MINAR1: variants seen among roughly 807,000 people sequenced by gnomAD.
MINAR1 encodes the protein major intrinsically disordered Notch2-binding receptor 1.
MINAR1 carries 40 observed loss-of-function variants against 65.1 expected under a neutral mutation model. The observed-to-expected ratio is 0.61, with a 90% confidence interval of 0.48 to 0.80. MINAR1 has a LOEUF of 0.80. Among genes scored for constraint, MINAR1 ranks in the 30% least tolerant of loss-of-function variants. The probability of loss-of-function intolerance (pLI) is 0.00; values close to 1 mark genes in which losing one functional copy is unlikely to be tolerated. For missense variants in MINAR1, 1,128 were observed against 1,148.0 expected (o/e 0.98, Z 0.25); for synonymous variants, 482 against 449.1 (o/e 1.07, Z -0.93).
rs780197349 is a variant in MINAR1, at chr15:79,456,361, A to G, written c.214A>G (p.Thr72Ala). 1.2e-6 allele frequency: 2 copies of G among 1,614,236 alleles called. No individual in the cohort carries two copies. The highest frequency in any genetic ancestry group is 1.7e-6 in the Non-Finnish European group (2 of 1,180,044). ...GCTATTCAAAGACAAGATGAAATGC[A>G]CTGTGAATAACCAGCAATCAAAGAA... Reference protein sequence around the residue: ...ATLFKDKMKCTVNNQQSKKIM... With the variant: ...ATLFKDKMKCAVNNQQSKKIM... Residue 72 changes from threonine (T) to alanine (A), a missense_variant, in exon 2 of 4, where the codon ACT becomes GCT. Thr to Ala is a moderately conservative substitution (Grantham distance 58). Transcript: ENST00000305428.
chr15:79,434,340 C>T (rs1257456267), intron 1 of MINAR1, among the ~76,000 whole-genome samples: 1 of 152,174 alleles, frequency 6.6e-6, no homozygotes, highest in African/African-American at 2.4e-5. Context: ...CTTTCTAAAA[C>T]CCATCATATT....
rs372182618 is a variant in MINAR1, at chr15:79,458,194, T to C, written c.2047T>C (p.Cys683Arg). 38 of 1,613,994 alleles carry C rather than the reference T, an allele frequency of 2.4e-5. No homozygotes were observed. The highest frequency in any genetic ancestry group is 3.1e-5 in the Non-Finnish European group (37 of 1,180,038). ...ACTAGAGAACAACCCTGACTGGTGC[T>C]GCTCTGATGCTAGCGGGAGCAACAG... is the stretch of plus-strand genomic sequence containing the variant. ...PKLENNPDWC[C>R]SDASGSNSES... is the part of the protein sequence containing the mutation. The change falls in exon 2 of 4, where the codon TGC becomes CGC. Residue 683 changes from cysteine (C) to arginine (R), a missense_variant. Physicochemically the swap from Cys to Arg is radical, Grantham distance 180 (BLOSUM62 -3). Coordinates refer to ENST00000305428, the MANE Select transcript of MINAR1 (RefSeq NM_015206.3).
chr15:79,422,895 C>A, the MINAR1 span: 1 of 152,158 alleles, frequency 6.6e-6, no homozygotes, highest in Non-Finnish European at 1.5e-5. Context: ...ATTGGTGTAA[C>A]CTCAAGGGAA....
chr15:79,426,803 GT>G, the MINAR1 span: 1 of 152,196 alleles, frequency 6.6e-6, no homozygotes, highest in Non-Finnish European at 1.5e-5. Flanking sequence ...GTAACCCTTT[GT>G]GAGCACTGGG....
chr15:79,434,369 C>CT (rs1198785700), intron 1 of MINAR1, among the ~76,000 whole-genome samples: 2 of 152,222 alleles, frequency 1.3e-5, no homozygotes, highest in Non-Finnish European at 2.9e-5. Flanking sequence ...CTCTGATACT[C>CT]TGTCTGAAAC....
At chr15:79,460,823 C>T (rs932809006) in intron 2 of MINAR1, among the ~76,000 whole-genome samples, 1 of 152,250 alleles carries the variant, frequency 6.6e-6, no homozygotes, top group African/African-American at 2.4e-5. Context: ...GGACCCTGCT[C>T]TACCTTGATG....
intron 3 of MINAR1, among the ~76,000 whole-genome samples, chr15:79,466,821 C>T (rs2141308420): frequency 6.6e-6 from 1 of 152,326 alleles, no homozygotes. Flanking sequence ...AAGCTGTTGC[C>T]ACCCTTGGAT....
Position 79,456,934 on chromosome 15 carries a change from G to C in MINAR1, c.787G>C (p.Asp263His), listed in dbSNP as rs1304299721. Residue 263 changes from aspartate to histidine, a missense_variant, in exon 2 of 4, where the codon GAT becomes CAT. By Grantham distance (81) the Asp-to-His change is moderately conservative (BLOSUM62 -1). Transcript: ENST00000305428. ...CCAGAAAAGGAATATCTTCAAAGAG[G>C]ATTTTCACAATTTGATGGCAGTGTC... is the stretch of plus-strand genomic sequence containing the variant. ...CVQKRNIFKE[D>H]FHNLMAVSPS... 4 of 1,613,996 alleles carry C rather than the reference G, an allele frequency of 2.5e-6. No individual in the cohort carries two copies. The African/African-American group carries it at 4.0e-5, about 16-fold the overall frequency.
In MINAR1 at chr15:79,457,303, A is replaced by G; in HGVS notation, c.1156A>G (p.Arg386Gly). ...TGACTTTGAACGGTCCTTTTTCAAT[A>G]GAAATCCCTCCGAGGAGAAGCTACA... ...VPDFERSFFN[R>G]NPSEEKLHYP... The change falls in exon 2 of 4, where the codon AGA becomes GGA. Residue 386 changes from arginine (R) to glycine (G), a missense_variant. Coordinates refer to ENST00000305428, the MANE Select transcript of MINAR1 (RefSeq NM_015206.3). The G allele has an allele frequency of 6.2e-7, 1 of 1,614,208 alleles. No homozygotes were observed. The highest frequency in any genetic ancestry group is 8.5e-7 in the Non-Finnish European group (1 of 1,180,038).
chr15:79,436,178 A>C (rs536302868), intron 1 of MINAR1, among the ~76,000 whole-genome samples: 1 of 152,192 alleles, frequency 6.6e-6, no homozygotes, highest in Non-Finnish European at 1.5e-5. Context: ...AACAAACTGA[A>C]ATCTGGGGAT....
chr15:79,448,133 C>T (rs1895073302), intron 1 of MINAR1, among the ~76,000 whole-genome samples: 1 of 152,226 alleles, frequency 6.6e-6, no homozygotes, highest in South Asian at 2.1e-4. Flanking sequence ...AAATTTGCAT[C>T]TTATCCAGCA....
the MINAR1 span, chr15:79,413,380 T>C: frequency 1.3e-5 from 2 of 152,064 alleles, no homozygotes; most frequent in East Asian, 1.9e-4. Flanking sequence ...CATCAAGGAG[T>C]GTGCCACATG....
Position 79,468,683 on chromosome 15 carries a change from G to C in MINAR1, c.*299G>C, listed in dbSNP as rs1425981775. ...AATTGAATATTCCAAGCCAAAAAAG[G>C]AAGATTAATTGGGTTCTTTCCATTT... On this transcript the variant is annotated 3_prime_UTR_variant, in exon 4 of 4. Transcript: ENST00000305428. 1.4e-5 allele frequency: 5 copies of C among 346,536 alleles called. No individual in the cohort carries two copies. The South Asian group carries it at 2.1e-4, about 15-fold the overall frequency. 21.5% of individuals were successfully genotyped at this position (346,536 alleles called of 1,614,324 possible).
At position 79,457,118 on chromosome 15, in the gene MINAR1, G is replaced by A; in HGVS notation, c.971G>A (p.Arg324Lys). The A allele has an allele frequency of 1.2e-6, 2 of 1,614,110 alleles. No individual in the cohort carries two copies. The highest frequency in any genetic ancestry group is 1.7e-6 in the Non-Finnish European group (2 of 1,180,030). ...NPVYSPVPDK[R>K]RAKHESLDDL... Reference sequence around the variant, plus strand: ...GTGTATTCCCCGGTTCCTGACAAAAGGCGAGCAAAGCACGAAAGCTTAGAT... The same window carrying A: ...GTGTATTCCCCGGTTCCTGACAAAAAGCGAGCAAAGCACGAAAGCTTAGAT... The change falls in exon 2 of 4, where the codon AGG becomes AAG. Residue 324 changes from arginine (R) to lysine (K), a missense_variant. Physicochemically the swap from Arg to Lys is conservative, Grantham distance 26. Coordinates refer to ENST00000305428, the MANE Select transcript of MINAR1 (RefSeq NM_015206.3).
chr15:79,437,466 G>A (rs1486405119), intron 1 of MINAR1, among the ~76,000 whole-genome samples: 1 of 151,238 alleles, frequency 6.6e-6, no homozygotes, highest in Non-Finnish European at 1.5e-5. Context: ...TGCTGAGTGG[G>A]TGTGGGTGGG....
Position 79,457,932 on chromosome 15 carries a change from T to C in MINAR1, c.1785T>C (p.Ser595=), listed in dbSNP as rs970483054. 6.8e-6 allele frequency: 11 copies of C among 1,614,050 alleles called. No homozygotes were observed. Among genetic ancestry groups the C allele is most frequent in the Admixed American group, 1.7e-5 (1 of 60,012 alleles). Residue 595 remains serine, a synonymous_variant, in exon 2 of 4, where the codon AGT becomes AGC. Coordinates refer to ENST00000305428, the MANE Select transcript of MINAR1 (RefSeq NM_015206.3). ...ACTCGGAAGAAGAGCTGAAGACCAG[T>C]GTGTGCAAACTGGTGCTCAGGATTG... ...THHSEEELKT[S]VCKLVLRIGE...
Position 79,468,306 on chromosome 15 carries a change from G to A in MINAR1, c.2673G>A (p.Lys891=), listed in dbSNP as rs1267321063. 2 of 1,614,130 alleles carry A rather than the reference G, an allele frequency of 1.2e-6. No individual in the cohort carries two copies. Among genetic ancestry groups the A allele is most frequent in the Non-Finnish European group, 1.7e-6 (2 of 1,180,008 alleles). ...AATTCAGACGAGCCAAGGTCTGCAA[G>A]ATAGCTGCTCTGATCGCTGCTGCGG... ...EAEFRRAKVC[K]IAALIAAAAC... is the part of the protein sequence containing the mutation. The change falls in exon 4 of 4, where the codon AAG becomes AAA. Residue 891 remains lysine, a synonymous_variant. Transcript: ENST00000305428.
At chr15:79,464,901 C>T (rs565496122) in intron 3 of MINAR1, among the ~76,000 whole-genome samples, 62 of 152,050 alleles carry the variant, frequency 4.1e-4, no homozygotes, top group Non-Finnish European at 7.1e-4. Context: ...TCATGATTCT[C>T]CCTCCGGTGG....
At chr15:79,430,631 C>T (rs745987824), upstream of MINAR1, among the ~76,000 whole-genome samples, 10 of 152,180 alleles carry the variant, frequency 6.6e-5, no homozygotes, top group Non-Finnish European at 1.2e-4. Context: ...GCACTACTTA[C>T]AAATTTAAAA....
Sources: gnomAD v4.1 joint callset for allele counts (sites outside exome capture counted in the v4.1 genomes callset) on GRCh38, gnomAD v4.1.1 for gene constraint, MANE v1.5 for transcripts, NCBI Gene and HGNC (gene_info 2026-07-23, HGNC 2026-07-21) for gene names.